KIAA1217: variants seen among roughly 807,000 people sequenced by gnomAD.
The protein encoded by KIAA1217 is sickle tail protein homolog.
KIAA1217 carries 88 observed loss-of-function variants against 163.9 expected under a neutral mutation model. The ratio of observed to expected loss-of-function variants is 0.54; its 90% CI spans 0.45 to 0.64. KIAA1217 has a LOEUF of 0.64. Ranked by LOEUF, KIAA1217 falls within the 30% of genes least tolerant of loss-of-function variation. The pLI is 0.00. For synonymous variants in KIAA1217, 903 were observed against 923.1 expected (o/e 0.98, Z 0.39); for missense variants, 2,372 against 2,475.0 (o/e 0.96, Z 0.88).
intron 1 of KIAA1217, among the ~76,000 whole-genome samples, chr10:23,774,957 G>A (rs980898273): frequency 1.3e-5 from 2 of 152,198 alleles, no homozygotes; most frequent in East Asian, 1.9e-4. Context: ...CCCCATGAAT[G>A]GAAAGGGTGA....
In KIAA1217 at chr10:24,370,264, C is replaced by CA. The variant is rs5783891; in HGVS notation, c.355-10584dup. On this transcript the variant is annotated intron_variant, in intron 2 of 20. Transcript: ENST00000376454. ...TGGGCAACAGAGCGAGACTCTGTCT[C>CA]AAAAAAAAAAAAAAAAAAAAAGACA... Among the ~76,000 whole-genome samples, 520 of 73,066 alleles carry CA rather than the reference C, an allele frequency of 7.1e-3. 8 individuals are homozygous for CA. The highest frequency in any genetic ancestry group is 0.022 in the Middle Eastern group (2 of 92). The allele number at this position is 73,066 out of a possible 152,430, so 47.9% of individuals were successfully genotyped here.
At chr10:23,851,740 G>C (rs993048118) in intron 1 of KIAA1217, among the ~76,000 whole-genome samples, 1 of 152,104 alleles carries the variant, frequency 6.6e-6, no homozygotes, top group Non-Finnish European at 1.5e-5. Flanking sequence ...TTGTGGTTTT[G>C]ATTTGCATTT....
At chr10:23,967,342 T>A (rs1264259471) in intron 1 of KIAA1217, among the ~76,000 whole-genome samples, 1 of 152,084 alleles carries the variant, frequency 6.6e-6, no homozygotes, top group African/African-American at 2.4e-5. Context: ...TTTAGAAAAT[T>A]ACATGGTAAT....
intron 1 of KIAA1217, among the ~76,000 whole-genome samples, chr10:23,837,247 C>T (rs1273142459): frequency 6.6e-6 from 1 of 152,046 alleles, no homozygotes; most frequent in Admixed American, 6.6e-5. Flanking sequence ...TTGTTCAGGC[C>T]ACCCATTCTG....
intron 1 of KIAA1217, among the ~76,000 whole-genome samples, chr10:23,977,844 A>G (rs1056571285): frequency 1.3e-5 from 2 of 152,174 alleles, no homozygotes; most frequent in Non-Finnish European, 2.9e-5. Flanking sequence ...CAGACTGCTC[A>G]CTCAGCAGCC....
At chr10:24,397,051 G>C (rs972374574) in intron 3 of KIAA1217, among the ~76,000 whole-genome samples, 8 of 151,678 alleles carry the variant, frequency 5.3e-5, no homozygotes, top group African/African-American at 1.9e-4. Flanking sequence ...GATTAAGGTT[G>C]GTTTCTGCCA....
chr10:24,068,632 G>C (rs1438538110), intron 2 of KIAA1217, among the ~76,000 whole-genome samples: 5 of 152,162 alleles, frequency 3.3e-5, no homozygotes, highest in Non-Finnish European at 5.9e-5. Flanking sequence ...CATCAACCCA[G>C]CTAAAACCTC....
intron 3 of KIAA1217, among the ~76,000 whole-genome samples, chr10:24,394,442 G>A (rs983370912): frequency 4.9e-5 from 7 of 143,804 alleles, no homozygotes; most frequent in African/African-American, 1.1e-4. Context: ...GCCCACTCTC[G>A]GGTTTTGTTT....
intron 2 of KIAA1217, among the ~76,000 whole-genome samples, chr10:24,332,684 T>G (rs1349536501): frequency 6.6e-6 from 1 of 152,196 alleles, no homozygotes; most frequent in Non-Finnish European, 1.5e-5. Context: ...GATTACTTTT[T>G]GCTGTACAGC....
At chr10:23,856,868 G>A (rs181555877) in intron 1 of KIAA1217, among the ~76,000 whole-genome samples, 18 of 152,338 alleles carry the variant, frequency 1.2e-4, no homozygotes, top group African/African-American at 3.8e-4. Context: ...TCGGAAAAGC[G>A]CAGTATTAGG....
In KIAA1217 at chr10:24,106,005, C is replaced by CA. The variant is rs140302485; in HGVS notation, c.-171+98633dup. Among the ~76,000 whole-genome samples, 518 of 152,264 alleles carry CA rather than the reference C, an allele frequency of 3.4e-3. 5 individuals carry two copies. Among genetic ancestry groups the CA allele is most frequent in the African/African-American group, 0.011 (476 of 41,540 alleles). On this transcript the variant is annotated intron_variant, in intron 2 of 18. Transcript: ENST00000376462. ...TAGAAGTTATTAGGAAGTTGGAGAC[C>CA]AATTCTAAGCACCGGGAACCTTGTG... is the stretch of plus-strand genomic sequence containing the variant.
chr10:24,102,111 G>T (rs2131720299), intron 2 of KIAA1217, among the ~76,000 whole-genome samples: 1 of 152,162 alleles, frequency 6.6e-6, no homozygotes, highest in African/African-American at 2.4e-5. Context: ...AACTGTCTTT[G>T]GTCACAGATG....
chr10:24,089,839 A>G (rs1195156477), intron 2 of KIAA1217, among the ~76,000 whole-genome samples: 1 of 151,900 alleles, frequency 6.6e-6, no homozygotes, highest in Non-Finnish European at 1.5e-5. Context: ...GATAGGAAGA[A>G]TCAATGTCAT....
At chr10:24,524,806 CT>C in intron 13 of KIAA1217, 42 bp downstream of exon 13, 1 of 1,479,794 alleles carries the variant, frequency 6.8e-7, no homozygotes, top group Non-Finnish European at 9.2e-7. Context: ...ATAAAGGAGT[CT>C]GATACATGGA....
intron 2 of KIAA1217, among the ~76,000 whole-genome samples, chr10:24,078,356 G>A (rs1369316247): frequency 2.6e-5 from 4 of 152,130 alleles, no homozygotes; most frequent in Non-Finnish European, 5.9e-5. Context: ...TCAGGTACCT[G>A]GAGAAAGAAC....
intron 1 of KIAA1217, among the ~76,000 whole-genome samples, chr10:23,806,021 A>AAAAAAAAAAAAAAAAAG: frequency 6.9e-6 from 1 of 143,982 alleles, no homozygotes; most frequent in Non-Finnish European, 1.5e-5. Context: ...AAAAAAAAAA[A>AAAAAAAAAAAAAAAAAG]AAAGAAAAGA....
intron 3 of KIAA1217, among the ~76,000 whole-genome samples, chr10:24,388,870 A>C: frequency 7.1e-6 from 1 of 141,004 alleles, no homozygotes; most frequent in Non-Finnish European, 1.5e-5. Context: ...ATCTCACACC[A>C]GTTAGAATGG....
At chr10:24,235,368 A>G (rs2072088970) in intron 2 of KIAA1217, among the ~76,000 whole-genome samples, 1 of 152,256 alleles carries the variant, frequency 6.6e-6, no homozygotes, top group Non-Finnish European at 1.5e-5. Context: ...TCAAACACAG[A>G]GCCAAAGATC....
chr10:23,717,339 A>T (rs1177649459), intron 1 of KIAA1217, among the ~76,000 whole-genome samples: 3 of 152,144 alleles, frequency 2.0e-5, no homozygotes, highest in Non-Finnish European at 4.4e-5. Context: ...ATAAGAGCTA[A>T]TAATTACTGA....
Sources: allele counts gnomAD v4.1 joint callset (sites outside exome capture counted in the v4.1 genomes callset), GRCh38; gene constraint gnomAD v4.1.1; transcripts MANE v1.5; gene names NCBI Gene and HGNC (gene_info 2026-07-23, HGNC 2026-07-21).